Variants in NIPBL observed in about 807,000 individuals in gnomAD.
NIPBL encodes the protein NIPBL cohesin loading factor.
Under a neutral mutation model 321.8 loss-of-function variants are expected in NIPBL, and 19 were observed. That is an observed-to-expected ratio of 0.06 (90% CI 0.04 to 0.09). The LOEUF is 0.09. NIPBL is among the 10% of genes least tolerant of loss of function. NIPBL has a pLI of 1.00. For missense variants in NIPBL, 2,210 were observed against 3,327.0 expected (o/e 0.66, Z 8.26); for synonymous variants, 1,106 against 1,114.1 (o/e 0.99, Z 0.14).
chr5:37,042,403 T>G (rs1193343669), intron 34 of NIPBL, among the ~76,000 whole-genome samples: 1 of 150,622 alleles, frequency 6.6e-6, no homozygotes, highest in Non-Finnish European at 1.5e-5. Context: ...CTACTGCACT[T>G]CCGCCTGGGT....
chr5:37,020,973 A>G (rs570352213), intron 27 of NIPBL, 96 bp downstream of exon 27: 2 of 905,074 alleles, frequency 2.2e-6, no homozygotes, highest in African/African-American at 1.6e-5. Flanking sequence ...TTGAGTACAG[A>G]TACTTAAAAG....
intron 9 of NIPBL, among the ~76,000 whole-genome samples, chr5:36,977,349 A>ATG (rs1743592522): frequency 6.6e-6 from 1 of 151,856 alleles, no homozygotes; most frequent in Non-Finnish European, 1.5e-5. Flanking sequence ...TTTATATATG[A>ATG]TGTGTTCAGT....
intron 1 of NIPBL, among the ~76,000 whole-genome samples, chr5:36,921,065 A>G (rs1307907654): frequency 1.3e-5 from 2 of 152,078 alleles, no homozygotes; most frequent in South Asian, 2.1e-4. Flanking sequence ...TCAATACCAA[A>G]TAATATACTC....
intron 42 of NIPBL, among the ~76,000 whole-genome samples, chr5:37,055,210 G>A (rs1383145931): frequency 3.8e-4 from 58 of 152,044 alleles, no homozygotes; most frequent in Non-Finnish European, 5.9e-5. Context: ...AATTAGCCAG[G>A]CATGATGGCG....
At chr5:37,028,737 A>T (rs1750613018) in intron 32 of NIPBL, among the ~76,000 whole-genome samples, 2 of 152,246 alleles carry the variant, frequency 1.3e-5, no homozygotes, top group Admixed American at 1.3e-4. Flanking sequence ...TTAAAAAATT[A>T]TCATTTATAC....
intron 1 of NIPBL, among the ~76,000 whole-genome samples, chr5:36,950,557 C>T (rs1740172679): frequency 6.6e-6 from 1 of 151,882 alleles, no homozygotes; most frequent in Non-Finnish European, 1.5e-5. Flanking sequence ...AGTTCTATTC[C>T]CTCCATCCCT....
chr5:37,032,099 G>A (rs1751093819), intron 32 of NIPBL, among the ~76,000 whole-genome samples: 1 of 152,126 alleles, frequency 6.6e-6, no homozygotes, highest in South Asian at 2.1e-4. Flanking sequence ...AACTCTGAGG[G>A]TAGAGCCCAT....
chr5:36,954,467 A>T (rs1740725192), intron 2 of NIPBL, among the ~76,000 whole-genome samples: 2 of 152,176 alleles, frequency 1.3e-5, no homozygotes, highest in African/African-American at 2.4e-5. Flanking sequence ...CTAAATTAAC[A>T]GGAGAGTGCT....
rs1742785958 is a variant in NIPBL, at chr5:36,970,946, G to A, written c.681G>A (p.Leu227=). 6.2e-7 allele frequency: 1 copy of A among 1,613,818 alleles called. No homozygotes were observed. Among genetic ancestry groups the A allele is most frequent in the Non-Finnish European group, 8.5e-7 (1 of 1,179,802 alleles). The part of the protein sequence containing the change: ...NIHDNKVSGP[L]SGNSANHHAD... ...ATGATAATAAAGTTTCTGGTCCGTT[G>A]TCTGGCAATTCAGCTAATCATCATG... The change falls in exon 7 of 47, where the codon TTG becomes TTA. Residue 227 remains leucine (L), a synonymous_variant. Transcript: ENST00000282516.
At chr5:36,965,136 A>G (rs1742061849) in intron 6 of NIPBL, among the ~76,000 whole-genome samples, 1 of 152,148 alleles carries the variant, frequency 6.6e-6, no homozygotes, top group Admixed American at 6.6e-5. Flanking sequence ...TCAGAATACT[A>G]AAAATAGAGC....
rs797045778 is a variant in NIPBL, at chr5:37,048,613, TA to T, written c.6707del (p.Asn2236ThrfsTer29). ...NSSVNLKIQV[L>X]KNLQTYLQEE... is the part of the protein sequence containing the mutation. Reference sequence around the variant, plus strand: ...TCAGTCAATTTAAAAATACAAGTGTTAAAAAACCTCCAGACCTACCTACAAG... The same window carrying T: ...TCAGTCAATTTAAAAATACAAGTGTTAAAAACCTCCAGACCTACCTACAAG... On this transcript the variant is annotated frameshift_variant, in exon 39 of 47. Transcript: ENST00000282516. LOFTEE classifies it high-confidence loss of function. 6.2e-7 allele frequency: 1 copy of T among 1,608,300 alleles called. No individual in the cohort carries two copies. Among genetic ancestry groups the T allele is most frequent in the South Asian group, 1.1e-5 (1 of 90,212 alleles).
At chr5:36,955,774 T>C (rs1278358225) in intron 3 of NIPBL, 137 bp downstream of exon 3, 10 of 681,984 alleles carry the variant, frequency 1.5e-5, no homozygotes, top group Admixed American at 1.4e-4. Flanking sequence ...CGAGGGAGAA[T>C]ATAGTCTTAT....
At chr5:36,920,825 AT>A (rs373949491) in intron 1 of NIPBL, among the ~76,000 whole-genome samples, 94 of 135,462 alleles carry the variant, frequency 6.9e-4, no homozygotes, top group South Asian at 1.2e-3. Flanking sequence ...TTGTTCCTTA[AT>A]TTTTTTTTTT....
At chr5:36,964,207 C>T (rs1462199520) in intron 6 of NIPBL, among the ~76,000 whole-genome samples, 1 of 151,928 alleles carries the variant, frequency 6.6e-6, no homozygotes, top group Non-Finnish European at 1.5e-5. Flanking sequence ...CTATATTCAA[C>T]GTAATCCCTA....
chr5:36,901,526 T>TTTTGG (rs1747218836), intron 1 of NIPBL, among the ~76,000 whole-genome samples: 1 of 127,864 alleles, frequency 7.8e-6, no homozygotes, highest in Non-Finnish European at 1.6e-5. Flanking sequence ...TTTTTTTTTT[T>TTTTGG]GAGTCGGAGA....
chr5:36,948,534 G>A (rs770581822), intron 1 of NIPBL, among the ~76,000 whole-genome samples: 2 of 151,926 alleles, frequency 1.3e-5, no homozygotes, highest in African/African-American at 4.8e-5. Context: ...TACCAGAATC[G>A]TATCTTACAT....
intron 1 of NIPBL, among the ~76,000 whole-genome samples, chr5:36,914,267 T>G (rs1185305815): frequency 6.6e-6 from 1 of 152,246 alleles, no homozygotes; most frequent in Non-Finnish European, 1.5e-5. Flanking sequence ...TGTAAATGTG[T>G]CTGTCACATA....
rs1318980326 is a variant in NIPBL, at chr5:36,953,824, CTG to C, written c.64+66_64+67del. 2.2e-6 allele frequency: 3 copies of C among 1,351,964 alleles called. No individual in the cohort carries two copies. The African/African-American group carries it at 4.3e-5, about 19-fold the overall frequency. 83.7% of individuals were successfully genotyped at this position (1,351,964 alleles called of 1,614,324 possible). On this transcript the variant is annotated intron_variant, in intron 2 of 46. Transcript: ENST00000282516. ...GTGTTAACAATAATTTTTACAGTGA[CTG>C]TTCTAAAAATTATTATAGGTTCTTT...
intron 1 of NIPBL, among the ~76,000 whole-genome samples, chr5:36,880,483 A>G (rs77119705): frequency 0.13 from 20,482 of 152,062 alleles, 1,799 homozygotes; most frequent in Non-Finnish European, 0.2. Context: ...TGAAGTGATT[A>G]GGGAGTGTGA....
Sources: allele counts gnomAD v4.1 joint callset (sites outside exome capture counted in the v4.1 genomes callset), GRCh38; gene constraint gnomAD v4.1.1; transcripts MANE v1.5; gene names NCBI Gene and HGNC (gene_info 2026-07-23, HGNC 2026-07-21).